Variants in DMD observed in about 807,000 individuals in gnomAD.
The protein encoded by DMD is dystrophin, also known as mutant dystrophin.
DMD carries 63 observed loss-of-function variants against 330.1 expected under a neutral mutation model. That is an observed-to-expected ratio of 0.19 (90% CI 0.16 to 0.24). The LOEUF (loss-of-function observed/expected upper bound fraction) is 0.24. DMD is among the 10% of genes least tolerant of loss of function. The probability of loss-of-function intolerance (pLI) is 1.00; values close to 1 mark genes in which losing one functional copy is unlikely to be tolerated. For synonymous variants in DMD, 1,223 were observed against 959.8 expected, an observed-to-expected ratio of 1.27 and a Z score of -5.07; for missense variants, 3,344 against 2,684.1, an observed-to-expected ratio of 1.25 and a Z score of -5.43.
At chrX:31,392,474 A>G (rs962848879) in intron 60 of DMD, among the ~76,000 whole-genome samples, 2 of 112,272 alleles carry the variant, frequency 1.8e-5, no homozygotes, top group Admixed American at 9.5e-5. Context: ...TGTGACAACA[A>G]TATAGCCAGC....
At chrX:32,900,192 T>C (rs2086111464) in intron 2 of DMD, among the ~76,000 whole-genome samples, 1 of 112,185 alleles carries the variant, frequency 8.9e-6, no homozygotes, top group Non-Finnish European at 1.9e-5. Context: ...AAACTAAAAA[T>C]ATTTGCTGAA....
chrX:32,119,474 A>G (rs2096625696), intron 44 of DMD, among the ~76,000 whole-genome samples: 1 of 111,399 alleles, frequency 9.0e-6, no homozygotes, highest in Admixed American at 9.5e-5. Context: ...CTAGGCTCCT[A>G]GTGCGGTTGT....
chrX:32,007,040 T>G (rs1246366376), intron 44 of DMD, among the ~76,000 whole-genome samples: 7 of 72,241 alleles, frequency 9.7e-5, no homozygotes, highest in African/African-American at 2.9e-4. Context: ...GACACAGGAA[T>G]GGGAACATCA....
At chrX:32,813,319 C>T (rs770226352) in intron 6 of DMD, among the ~76,000 whole-genome samples, 1 of 111,817 alleles carries the variant, frequency 8.9e-6, no homozygotes, top group South Asian at 3.7e-4. Flanking sequence ...TTAATGTTAA[C>T]CTGGACCATA....
intron 43 of DMD, among the ~76,000 whole-genome samples, chrX:32,235,993 G>A (rs959321873): frequency 3.2e-4 from 36 of 111,448 alleles, no homozygotes; most frequent in Middle Eastern, 4.7e-3. Flanking sequence ...TCATTTATTA[G>A]TTCTCTAACC....
At chrX:32,359,528 A>G (rs1215278519) in intron 37 of DMD, among the ~76,000 whole-genome samples, 2 of 111,510 alleles carry the variant, frequency 1.8e-5, no homozygotes, top group South Asian at 3.7e-4. Flanking sequence ...ACCTAATATT[A>G]TCCTGTATAA....
At chrX:32,059,280 C>T (rs1441172621) in intron 44 of DMD, among the ~76,000 whole-genome samples, 2 of 111,109 alleles carry the variant, frequency 1.8e-5, no homozygotes, top group African/African-American at 6.5e-5. Flanking sequence ...AAAAAAACAT[C>T]TTTTTCAACA....
At chrX:32,707,594 TTTTCAA>T (rs1286207124) in intron 7 of DMD, among the ~76,000 whole-genome samples, 1 of 112,365 alleles carries the variant, frequency 8.9e-6, no homozygotes, top group African/African-American at 3.2e-5. Context: ...TATCTTTAAA[TTTTCAA>T]TTTCCAAATG....
At chrX:32,151,941 G>T (rs950966198) in intron 44 of DMD, among the ~76,000 whole-genome samples, 1 of 111,604 alleles carries the variant, frequency 9.0e-6, no homozygotes, top group African/African-American at 3.3e-5. Context: ...TCTAATAACT[G>T]CTTCTTTATA....
At chrX:32,252,317 CT>C (rs2097266715) in intron 43 of DMD, among the ~76,000 whole-genome samples, 1 of 110,023 alleles carries the variant, frequency 9.1e-6, no homozygotes, top group Non-Finnish European at 1.9e-5. Flanking sequence ...TGCAGCATTT[CT>C]TTTTGTTAGA....
At chrX:32,627,411 T>A (rs1244101273) in intron 11 of DMD, among the ~76,000 whole-genome samples, 1 of 104,398 alleles carries the variant, frequency 9.6e-6, no homozygotes, top group Non-Finnish European at 1.9e-5. Context: ...TACTAAAGAG[T>A]AATTTTGATC....
chrX:32,410,013 T>C (rs906898759), intron 30 of DMD, among the ~76,000 whole-genome samples: 4 of 111,691 alleles, frequency 3.6e-5, no homozygotes. Context: ...AAAAACCTTT[T>C]TCATTATGAC....
chrX:31,726,322 T>C (rs1308725137), intron 52 of DMD, among the ~76,000 whole-genome samples: 2 of 112,406 alleles, frequency 1.8e-5, no homozygotes, highest in Non-Finnish European at 3.8e-5. Flanking sequence ...TTTCTCTTGA[T>C]AGACTGCAAT....
At chrX:32,362,294 A>C (rs1212889867) in intron 37 of DMD, among the ~76,000 whole-genome samples, 1 of 111,497 alleles carries the variant, frequency 9.0e-6, no homozygotes, top group African/African-American at 3.3e-5. Flanking sequence ...AGAGGTAAAA[A>C]AACACCCTAG....
intron 44 of DMD, among the ~76,000 whole-genome samples, chrX:32,162,241 C>T (rs778557981): frequency 6.3e-5 from 7 of 110,706 alleles, no homozygotes; most frequent in African/African-American, 1.3e-4. Context: ...AAGGAGGGAG[C>T]GCTACAGCTC....
At chrX:31,463,935 G>A (rs1281255736) in intron 59 of DMD, among the ~76,000 whole-genome samples, 1 of 111,517 alleles carries the variant, frequency 9.0e-6, no homozygotes, top group Non-Finnish European at 1.9e-5. Flanking sequence ...ATGAATTAAT[G>A]AATGAGTGCA....
chrX:32,827,225 A>T (rs1462917382), intron 4 of DMD, among the ~76,000 whole-genome samples: 2 of 111,045 alleles, frequency 1.8e-5, no homozygotes, highest in African/African-American at 6.6e-5. Flanking sequence ...TAACATTGTG[A>T]AAAGATAAGC....
At chrX:31,228,466 G>A (rs1210699929) in intron 63 of DMD, among the ~76,000 whole-genome samples, 3 of 110,443 alleles carry the variant, frequency 2.7e-5, no homozygotes, top group Admixed American at 9.6e-5. Context: ...GGAGTCTGCA[G>A]CACCACTCCC....
At chrX:33,014,105 G>T (rs1023326169) in intron 2 of DMD, among the ~76,000 whole-genome samples, 1 of 111,576 alleles carries the variant, frequency 9.0e-6, no homozygotes, top group Non-Finnish European at 1.9e-5. Flanking sequence ...GTTAAGATTC[G>T]GGGACAGTGG....
Sources: allele counts gnomAD v4.1 joint callset (sites outside exome capture counted in the v4.1 genomes callset), GRCh38; gene constraint gnomAD v4.1.1; transcripts MANE v1.5; gene names NCBI Gene and HGNC (gene_info 2026-07-23, HGNC 2026-07-21).